Variants in CD8B observed in about 807,000 individuals in gnomAD.
CD8B encodes CD8 subunit beta.
In CD8B, 6 loss-of-function variants were observed where a neutral mutation model predicts 24.2. That is an observed-to-expected ratio of 0.25 (90% CI 0.14 to 0.49). CD8B has a LOEUF of 0.49. Among genes scored for constraint, CD8B ranks in the 20% least tolerant of loss-of-function variants. The pLI, the probability that CD8B is intolerant of heterozygous loss-of-function variation, is 0.98. For missense variants in CD8B, 196 were observed against 271.3 expected (o/e 0.72, Z 1.95); for synonymous variants, 84 against 108.3 (o/e 0.78, Z 1.39).
At chr2:86,848,701 A>ATTATTTATTTATTTATTTATTTATTTAT (rs55752237) in intron 3 of CD8B, among the ~76,000 whole-genome samples, 22 of 58,876 alleles carry the variant, frequency 3.7e-4, no homozygotes, top group Non-Finnish European at 4.6e-4. Context: ...GTATTTTTAA[A>ATTATTTATTTATTTATTTATTTATTTAT]TTATTTATTT....
chr2:86,856,440 C>A (rs372365030), intron 2 of CD8B, among the ~76,000 whole-genome samples: 1 of 152,200 alleles, frequency 6.6e-6, no homozygotes, highest in African/African-American at 2.4e-5. Flanking sequence ...TGGACCCCCA[C>A]GTGAAGGGAT....
At chr2:86,815,601 T>G in exon 6 of CD8B, 3 of 1,550,342 alleles carry the variant, frequency 1.9e-6, no homozygotes, top group Admixed American at 1.7e-5. Context: ...GACCTGTGCT[T>G]CTTGCCTATG....
chr2:86,825,114 A>T (rs981599493), intron 5 of CD8B, among the ~76,000 whole-genome samples: 1 of 152,142 alleles, frequency 6.6e-6, no homozygotes, highest in African/African-American at 2.4e-5. Flanking sequence ...GGAGGCTGGG[A>T]AAAGAGCAGG....
intron 4 of CD8B, among the ~76,000 whole-genome samples, chr2:86,845,956 G>A (rs1675651665): frequency 6.6e-6 from 1 of 152,214 alleles, no homozygotes; most frequent in South Asian, 2.1e-4. Context: ...TCATGCCCTT[G>A]CTGTCCCACC....
rs961104002 is a variant in CD8B at position 86,849,900 on chromosome 2, C to T, written c.493+3097G>A. On this transcript the variant is annotated intron_variant, in intron 3 of 5. Transcript: ENST00000390655. The stretch of plus-strand genomic sequence containing the variant: ...TGTATTTTTAGTGGAGACGGGGTTT[C>T]GCCATGTTGATCAGGCTGGTCTCGA... 2.2e-4 allele frequency among the ~76,000 whole-genome samples: 34 copies of T among 152,166 alleles called. 1 individual carries two copies. The highest frequency in any genetic ancestry group is 5.1e-4 in the African/African-American group (21 of 41,482).
At chr2:86,850,665 C>T (rs1176798280) in intron 3 of CD8B, among the ~76,000 whole-genome samples, 1 of 152,156 alleles carries the variant, frequency 6.6e-6, no homozygotes, top group Non-Finnish European at 1.5e-5. Context: ...GTAACCTCCA[C>T]CTACTTTCCC....
At chr2:86,850,173 G>A (rs576842872) in intron 3 of CD8B, among the ~76,000 whole-genome samples, 27 of 152,188 alleles carry the variant, frequency 1.8e-4, no homozygotes, top group African/African-American at 5.1e-4. Context: ...TTGACTCTCC[G>A]GGAAAAGCTG....
At chr2:86,829,212 C>T (rs1338231046) in intron 5 of CD8B, among the ~76,000 whole-genome samples, 6 of 149,106 alleles carry the variant, frequency 4.0e-5, no homozygotes, top group Non-Finnish European at 5.9e-5. Flanking sequence ...CGATTTCCCC[C>T]GCCTTAGCCT....
intron 5 of CD8B, among the ~76,000 whole-genome samples, chr2:86,829,594 G>A (rs1052475227): frequency 2.6e-5 from 4 of 151,988 alleles, no homozygotes; most frequent in Admixed American, 2.0e-4. Flanking sequence ...CACCAGACAC[G>A]TGCAAGTTAG....
At chr2:86,847,350 T>A (rs1675738290) in intron 3 of CD8B, among the ~76,000 whole-genome samples, 1 of 152,172 alleles carries the variant, frequency 6.6e-6, no homozygotes, top group African/African-American at 2.4e-5. Context: ...TGGTAATGAG[T>A]CTTTTACTAT....
At chr2:86,844,841 T>C in intron 5 of CD8B, 81 bp downstream of exon 5, 1 of 1,551,300 alleles carries the variant, frequency 6.4e-7, no homozygotes, top group South Asian at 1.2e-5. Context: ...AGGTCTGACT[T>C]TGGCTCCTCG....
intron 4 of CD8B, 26 bp from the exon 5 acceptor site, chr2:86,844,984 G>A (rs1457677640): frequency 1.9e-6 from 3 of 1,556,554 alleles, no homozygotes; most frequent in Non-Finnish European, 2.6e-6. Flanking sequence ...AAGGGCGCCA[G>A]TCAGTGTGGG....
intron 4 of CD8B, among the ~76,000 whole-genome samples, chr2:86,846,439 G>T (rs1448869340): frequency 6.6e-6 from 1 of 152,090 alleles, no homozygotes; most frequent in Non-Finnish European, 1.5e-5. Flanking sequence ...AGAGACCGGG[G>T]CACTGGATCA....
chr2:86,849,148 G>A (rs1675847601), intron 3 of CD8B, among the ~76,000 whole-genome samples: 1 of 152,290 alleles, frequency 6.6e-6, no homozygotes. Context: ...GATCCTCCGA[G>A]TTCCAAGCCC....
At chr2:86,822,461 G>A (rs955590009) in intron 5 of CD8B, 2 of 778,070 alleles carry the variant, frequency 2.6e-6, no homozygotes, top group African/African-American at 1.7e-5. Context: ...AGTAAACAAT[G>A]ATAATGCATT....
chr2:86,815,812 A>G, intron 5 of CD8B: 1 of 750,796 alleles, frequency 1.3e-6, no homozygotes, highest in Non-Finnish European at 2.4e-6. Flanking sequence ...TCTGTGACTC[A>G]GTCGAGTCAG....
At chr2:86,856,772 A>G (rs62146885) in intron 2 of CD8B, among the ~76,000 whole-genome samples, 74,526 of 143,282 alleles carry the variant, frequency 0.52, 20,083 homozygotes, top group African/African-American at 0.65. Context: ...TGCTGAGCAC[A>G]TGAAATGTGG....
intron 3 of CD8B, among the ~76,000 whole-genome samples, chr2:86,851,599 T>C (rs1169754362): frequency 6.6e-6 from 1 of 152,192 alleles, no homozygotes; most frequent in African/African-American, 2.4e-5. Context: ...GTCTCCCAGA[T>C]CCTATTCAGT....
intron 2 of CD8B, among the ~76,000 whole-genome samples, chr2:86,855,653 C>T (rs1676198832): frequency 6.6e-6 from 1 of 152,248 alleles, no homozygotes; most frequent in African/African-American, 2.4e-5. Context: ...AGGAAACTGT[C>T]ATCAGCAGGG....
Sources: allele counts gnomAD v4.1 joint callset (sites outside exome capture counted in the v4.1 genomes callset), GRCh38; gene constraint gnomAD v4.1.1; transcripts MANE v1.5; gene names NCBI Gene and HGNC (gene_info 2026-07-23, HGNC 2026-07-21).